RANBP2: variants seen among roughly 807,000 people sequenced by gnomAD.
The protein encoded by RANBP2 is E3 SUMO-protein ligase RanBP2.
Under a neutral mutation model 303.6 loss-of-function variants are expected in RANBP2, and 57 were observed. The observed-to-expected ratio is 0.19, with a 90% CI of 0.15 to 0.23. The LOEUF (loss-of-function observed/expected upper bound fraction) is 0.23, where lower values mean the gene tolerates loss of function less well. Ranked by LOEUF, RANBP2 falls within the 10% of genes least tolerant of loss-of-function variation. The pLI, the probability that RANBP2 is intolerant of heterozygous loss-of-function variation, is 1.00. For synonymous variants in RANBP2, 1,167 were observed against 1,301.5 expected, an observed-to-expected ratio of 0.90 and a Z score of 2.23; for missense variants, 3,138 against 3,780.8, an observed-to-expected ratio of 0.83 and a Z score of 4.46.
chr2:109,158,635 G>T, the RANBP2 span, among the ~76,000 whole-genome samples: 1 of 152,230 alleles, frequency 6.6e-6, no homozygotes, highest in Non-Finnish European at 1.5e-5. Flanking sequence ...AGGCTTGAGG[G>T]ATCTAAGTCG....
At chr2:109,107,583 T>C in the RANBP2 span, among the ~76,000 whole-genome samples, 9 of 152,192 alleles carry the variant, frequency 5.9e-5, no homozygotes, top group Non-Finnish European at 1.0e-4. Flanking sequence ...CCATGGTTCT[T>C]ACTCCTTTAT....
At chr2:109,372,483 C>T in the RANBP2 span, among the ~76,000 whole-genome samples, 1 of 152,222 alleles carries the variant, frequency 6.6e-6, no homozygotes, top group Non-Finnish European at 1.5e-5. Context: ...TGAATGCTTA[C>T]TGAGTGCTTG....
chr2:109,195,656 C>T, the RANBP2 span, among the ~76,000 whole-genome samples: 4 of 152,318 alleles, frequency 2.6e-5, no homozygotes, highest in East Asian at 7.7e-4. Flanking sequence ...TGACCGTGTG[C>T]CAGAGAGCTC....
At chr2:109,120,853 T>G in the RANBP2 span, among the ~76,000 whole-genome samples, 1 of 152,104 alleles carries the variant, frequency 6.6e-6, no homozygotes, top group Non-Finnish European at 1.5e-5. Context: ...ACTCAAGTAC[T>G]TCTTCCTGGT....
chr2:108,930,382 C>T, the RANBP2 span: 14 of 841,164 alleles, frequency 1.7e-5, no homozygotes, highest in Non-Finnish European at 2.7e-5. Context: ...AAGGTGCCCG[C>T]TTGTGAGTGC....
intron 7 of RANBP2, among the ~76,000 whole-genome samples, chr2:108,743,151 G>A (rs1476559576): frequency 6.6e-6 from 1 of 152,180 alleles, no homozygotes. Flanking sequence ...TTAGAGTCTT[G>A]CTGTGTCACC....
rs769368705 is a variant in RANBP2, at chr2:108,736,213, C to T, written c.746C>T (p.Thr249Ile). The T allele has an allele frequency of 6.2e-7, 1 of 1,611,844 alleles. No homozygotes were observed. The highest frequency in any genetic ancestry group is 1.3e-5 in the African/African-American group (1 of 74,844). Residue 249 changes from threonine to isoleucine, a missense_variant, in exon 6 of 29, where the codon ACT becomes ATT. Thr to Ile is a moderately conservative substitution (Grantham distance 89). This residue lies in a region of RANBP2 where 306 missense variants were observed against 381.9 expected (regional missense o/e 0.80). Coordinates refer to ENST00000283195, the MANE Select transcript of RANBP2 (RefSeq NM_006267.5). Reference sequence around the variant, plus strand: ...AATCTTATGCTTCTTACGCTTTCCACTAGAGATGTGCAGGAAAGTAGAGAA... The same window carrying T: ...AATCTTATGCTTCTTACGCTTTCCATTAGAGATGTGCAGGAAAGTAGAGAA... Reference protein sequence around the residue: ...YANLMLLTLSTRDVQESRELL... With the variant: ...YANLMLLTLSIRDVQESRELL...
the RANBP2 span, among the ~76,000 whole-genome samples, chr2:108,863,586 T>G: frequency 9.9e-5 from 15 of 152,224 alleles, no homozygotes; most frequent in South Asian, 2.1e-4. Flanking sequence ...CTAGATCTTT[T>G]TCTTTCTATT....
chr2:109,630,625 A>G, the RANBP2 span, among the ~76,000 whole-genome samples: 6 of 152,300 alleles, frequency 3.9e-5, no homozygotes, highest in Admixed American at 3.3e-4. Context: ...ACCGATGAGC[A>G]TAATGCACTT....
chr2:109,577,549 G>A, the RANBP2 span, among the ~76,000 whole-genome samples: 8 of 147,502 alleles, frequency 5.4e-5, no homozygotes, highest in Non-Finnish European at 9.0e-5. Context: ...CCGAGATCGC[G>A]CCATTGCATT....
chr2:109,289,039 G>A, the RANBP2 span, among the ~76,000 whole-genome samples: 8 of 152,288 alleles, frequency 5.3e-5, no homozygotes, highest in South Asian at 2.1e-4. Context: ...ACTAACATTC[G>A]TTTGTCAACT....
At chr2:109,705,074 A>AAAAT in the RANBP2 span, among the ~76,000 whole-genome samples, 339 of 144,974 alleles carry the variant, frequency 2.3e-3, 4 homozygotes, top group African/African-American at 7.6e-3. Flanking sequence ...ACTCCCTCTC[A>AAAAT]AAATAAATAA....
rs1191127471 is a variant in RANBP2, at chr2:108,752,528, G to A, written c.1756-470G>A. On this transcript the variant is annotated intron_variant, in intron 12 of 28. Coordinates refer to ENST00000283195, the MANE Select transcript of RANBP2 (RefSeq NM_006267.5). ...TGGCTCACACCTGTAATCCCAGCAC[G>A]TTAGGAGGCCGAGGCGGGCAGATCA... Among the ~76,000 whole-genome samples, 4 of 149,770 alleles carry A rather than the reference G, an allele frequency of 2.7e-5. No individual in the cohort carries two copies. The South Asian group carries it at 6.3e-4, about 24-fold the overall frequency.
At chr2:108,737,845 C>T (rs942670803) in intron 6 of RANBP2, among the ~76,000 whole-genome samples, 8 of 149,722 alleles carry the variant, frequency 5.3e-5, no homozygotes, top group African/African-American at 2.0e-4. Flanking sequence ...TCCTGAGTAG[C>T]TGGGACTACA....
At chr2:109,235,851 T>TA in the RANBP2 span, among the ~76,000 whole-genome samples, 1 of 152,214 alleles carries the variant, frequency 6.6e-6, no homozygotes, top group Non-Finnish European at 1.5e-5. Context: ...GCTTGACTGA[T>TA]AAAACCTCTT....
At chr2:109,659,690 A>C in the RANBP2 span, among the ~76,000 whole-genome samples, 1 of 152,162 alleles carries the variant, frequency 6.6e-6, no homozygotes, top group Admixed American at 6.5e-5. Context: ...AAAGAAAACA[A>C]ATCAGCGGGG....
the RANBP2 span, among the ~76,000 whole-genome samples, chr2:108,965,206 G>A: frequency 6.6e-6 from 1 of 152,074 alleles, no homozygotes; most frequent in African/African-American, 2.4e-5. Context: ...GGCCAGGCGC[G>A]GTGGCTCACG....
chr2:108,766,778 T>G lies in RANBP2; in HGVS notation c.6239T>G (p.Val2080Gly). ...AGAATGCTGATGCGAAGAGAACAAG[T>G]ACTAAAAGTGTGTGCTAATCATTGG... ...KLRMLMRREQ[V>G]LKVCANHWIT... Residue 2080 changes from valine (V) to glycine (G), a missense_variant, in exon 20 of 29, where the codon GTA becomes GGA. Coordinates refer to ENST00000283195, the MANE Select transcript of RANBP2 (RefSeq NM_006267.5). The G allele has an allele frequency of 1.2e-6, 2 of 1,612,038 alleles. No individual in the cohort carries two copies. Among genetic ancestry groups the G allele is most frequent in the Non-Finnish European group, 1.7e-6 (2 of 1,179,860 alleles).
chr2:109,744,413 T>G, the RANBP2 span, among the ~76,000 whole-genome samples: 1 of 99,910 alleles, frequency 1.0e-5, no homozygotes, highest in African/African-American at 2.8e-5. Context: ...CACTTATATG[T>G]TTTCTTTTGA....
Sources: gnomAD v4.1 joint callset for allele counts (sites outside exome capture counted in the v4.1 genomes callset) on GRCh38, gnomAD v4.1.1 for gene constraint, gnomAD v4.1.1 regional missense constraint, MANE v1.5 for transcripts, NCBI Gene and HGNC (gene_info 2026-07-23, HGNC 2026-07-21) for gene names.